The following PPP2R2A variants were observed in gnomAD, a reference collection of about 807,000 sequenced individuals.
PPP2R2A encodes the protein protein phosphatase 2 regulatory subunit Balpha.
A neutral mutation model predicts 53.2 loss-of-function variants in PPP2R2A; 9 were observed. The observed-to-expected ratio is 0.17, with a 90% CI of 0.10 to 0.30. The LOEUF (loss-of-function observed/expected upper bound fraction) is 0.30, where lower values mean the gene tolerates loss of function less well. Among genes scored for constraint, PPP2R2A ranks in the 10% least tolerant of loss-of-function variants. PPP2R2A has a pLI of 1.00. For missense variants in PPP2R2A, 235 were observed against 534.6 expected, an observed-to-expected ratio of 0.44 and a Z score of 5.53; for synonymous variants, 169 against 174.2, an observed-to-expected ratio of 0.97 and a Z score of 0.23.
intron 9 of PPP2R2A, among the ~76,000 whole-genome samples, chr8:26,369,427 G>T (rs906560632): frequency 1.3e-5 from 2 of 151,000 alleles, no homozygotes; most frequent in African/African-American, 4.9e-5. Flanking sequence ...GTCTTGCTCA[G>T]TTGCCCAGGC....
intron 2 of PPP2R2A, among the ~76,000 whole-genome samples, chr8:26,318,734 T>G (rs994229081): frequency 1.3e-5 from 2 of 152,208 alleles, no homozygotes; most frequent in African/African-American, 4.8e-5. Context: ...CTGTAACTAT[T>G]TTTTGTCAGA....
chr8:26,309,091 G>A (rs983492112), intron 2 of PPP2R2A, among the ~76,000 whole-genome samples: 2 of 152,120 alleles, frequency 1.3e-5, no homozygotes, highest in Non-Finnish European at 2.9e-5. Flanking sequence ...GAGCTCATGG[G>A]CTCAAATGAT....
At chr8:26,319,518 T>G (rs947905203) in intron 2 of PPP2R2A, among the ~76,000 whole-genome samples, 1 of 152,218 alleles carries the variant, frequency 6.6e-6, no homozygotes, top group Non-Finnish European at 1.5e-5. Context: ...TGATCCACTT[T>G]GAGCTAATTT....
chr8:26,348,382 G>A (rs886630611), intron 3 of PPP2R2A, among the ~76,000 whole-genome samples: 10 of 152,298 alleles, frequency 6.6e-5, no homozygotes, highest in African/African-American at 2.4e-4. Flanking sequence ...GAATGCTGAT[G>A]TGATACCACA....
rs1267015522 is a variant in PPP2R2A at position 26,347,172 on chromosome 8, C to T, written c.181-7296C>T. Among the ~76,000 whole-genome samples, 3 of 141,472 alleles carry T rather than the reference C, an allele frequency of 2.1e-5. No individual in the cohort carries two copies. In the East Asian group the frequency reaches 6.1e-4, roughly 29 times the overall value. 92.8% of individuals were successfully genotyped at this position (141,472 alleles called of 152,430 possible). ...AAGAGACACAAGTAGTAAAATGAATCTTTTTTTTTTTTTTTAATCTAACAC... is the reference window on the plus strand; with the variant it reads ...AAGAGACACAAGTAGTAAAATGAATTTTTTTTTTTTTTTTTAATCTAACAC... On this transcript the variant is annotated intron_variant, in intron 3 of 9. Coordinates refer to ENST00000380737, the MANE Select transcript of PPP2R2A (RefSeq NM_002717.4).
intron 2 of PPP2R2A, among the ~76,000 whole-genome samples, chr8:26,295,697 T>C (rs1801512174): frequency 6.6e-6 from 1 of 152,234 alleles, no homozygotes; most frequent in Non-Finnish European, 1.5e-5. Flanking sequence ...GGTATATACA[T>C]TTTAGTAAGA....
chr8:26,364,058 T>C (rs1326186077), intron 8 of PPP2R2A, among the ~76,000 whole-genome samples, 168 bp downstream of exon 8: 1 of 152,214 alleles, frequency 6.6e-6, no homozygotes, highest in Non-Finnish European at 1.5e-5. Context: ...TAAATGTATA[T>C]ATACTTACAT....
At chr8:26,330,086 C>T (rs955307804) in intron 2 of PPP2R2A, among the ~76,000 whole-genome samples, 1 of 152,096 alleles carries the variant, frequency 6.6e-6, no homozygotes, top group Non-Finnish European at 1.5e-5. Flanking sequence ...TGATGTTATC[C>T]CACAGGTCAG....
intron 7 of PPP2R2A, chr8:26,363,100 TGC>T: frequency 2.9e-6 from 1 of 344,860 alleles, no homozygotes; most frequent in Non-Finnish European, 5.3e-6. Context: ...TTTGGTAACT[TGC>T]GGTTGGGCTC....
intron 2 of PPP2R2A, among the ~76,000 whole-genome samples, chr8:26,295,064 G>A (rs967125805): frequency 6.6e-6 from 1 of 152,174 alleles, no homozygotes; most frequent in African/African-American, 2.4e-5. Context: ...ATTACCTGTT[G>A]AATAGTAAAC....
chr8:26,356,243 A>G (rs1804776516), intron 4 of PPP2R2A, among the ~76,000 whole-genome samples: 1 of 152,332 alleles, frequency 6.6e-6, no homozygotes, highest in South Asian at 2.1e-4. Flanking sequence ...CACTTCCTCC[A>G]TCTAATTGAT....
intron 2 of PPP2R2A, among the ~76,000 whole-genome samples, chr8:26,307,929 GA>G (rs1399013288): frequency 4.6e-5 from 7 of 152,110 alleles, no homozygotes; most frequent in African/African-American, 1.4e-4. Flanking sequence ...ATATGTAAAT[GA>G]AAAAATAAAA....
At chr8:26,363,434 C>T (rs910524342) in intron 7 of PPP2R2A, 2 of 244,470 alleles carry the variant, frequency 8.2e-6, no homozygotes, top group African/African-American at 4.5e-5. Context: ...AGGAATAATA[C>T]CAATAAACCT....
chr8:26,370,460 A>C lies in PPP2R2A; in HGVS notation c.*47A>C. 4 of 1,583,242 alleles carry C rather than the reference A, an allele frequency of 2.5e-6. No individual in the cohort carries two copies. The highest frequency in any genetic ancestry group is 2.6e-6 in the Non-Finnish European group (3 of 1,157,352). ...AACCCACTTCCTGCTTAGTTGAGAT[A>C]GTTGAATCTAGCATTCGTTCCTATA... On this transcript the variant is annotated 3_prime_UTR_variant, in exon 10 of 10. Coordinates refer to ENST00000380737, the MANE Select transcript of PPP2R2A (RefSeq NM_002717.4). The surrounding 1 kb of genome is among the most constrained non-coding windows in gnomAD (Gnocchi z 6.1).
At chr8:26,299,110 C>CTCT (rs1801669978) in intron 2 of PPP2R2A, among the ~76,000 whole-genome samples, 3 of 152,056 alleles carry the variant, frequency 2.0e-5, no homozygotes, top group Admixed American at 1.3e-4. Context: ...CTTTTCTCTA[C>CTCT]AAAAATTAAA....
rs559547232 is a variant in PPP2R2A, at chr8:26,340,563, A to G, written c.180+1576A>G. ...ATTCTGAGGGTTTCAGAAAGTCTTC[A>G]TTTTTAATGAAGGCATTGTGTCATT... On this transcript the variant is annotated intron_variant, in intron 3 of 9. Coordinates refer to ENST00000380737, the MANE Select transcript of PPP2R2A (RefSeq NM_002717.4). Among the ~76,000 whole-genome samples, 19 of 152,202 alleles carry G rather than the reference A, an allele frequency of 1.2e-4. 1 individual carries two copies. Among genetic ancestry groups the G allele is most frequent in the Admixed American group, 1.0e-3 (16 of 15,292 alleles).
At chr8:26,325,199 C>T (rs1803025192) in intron 2 of PPP2R2A, among the ~76,000 whole-genome samples, 1 of 151,872 alleles carries the variant, frequency 6.6e-6, no homozygotes, top group African/African-American at 2.4e-5. Context: ...TGAATTGTAT[C>T]TCCCAGAATT....
chr8:26,361,233 T>C (rs1007297473), intron 6 of PPP2R2A, 82 bp downstream of exon 6: 1 of 1,386,700 alleles, frequency 7.2e-7, no homozygotes, highest in East Asian at 2.4e-5. Flanking sequence ...TCCTAATGAA[T>C]TTGGTTGCTT....
Position 26,362,545 on chromosome 8 carries a change from T to G in PPP2R2A, c.638-139T>G. On this transcript the variant is annotated intron_variant, in intron 6 of 9. Transcript: ENST00000380737. The surrounding 1 kb of genome is among the most constrained non-coding windows in gnomAD (Gnocchi z 4.4). ...AAAAAGTTTTAATCCCTTTGGAATT[T>G]ATACTCATAAAAACAGTGGAGTGCA... is the stretch of plus-strand genomic sequence containing the variant. The G allele has an allele frequency of 1.3e-6, 1 of 778,956 alleles. No homozygotes were observed. The highest frequency in any genetic ancestry group is 2.0e-6 in the Non-Finnish European group (1 of 501,650). The allele number at this position is 778,956 out of a possible 1,614,324, so 48.3% of individuals were successfully genotyped here.
Sources: allele counts gnomAD v4.1 joint callset (sites outside exome capture counted in the v4.1 genomes callset), GRCh38; gene constraint gnomAD v4.1.1; non-coding constraint Gnocchi (gnomAD v3.1); transcripts MANE v1.5; gene names NCBI Gene and HGNC (gene_info 2026-07-23, HGNC 2026-07-21).